The following ZMAT4 variants were observed in gnomAD, a reference collection of about 807,000 sequenced individuals.
The protein encoded by ZMAT4 is zinc finger matrin-type 4.
In ZMAT4, 17 loss-of-function variants were observed where a neutral mutation model predicts 28.7. That is an observed-to-expected ratio of 0.59 (90% CI 0.41 to 0.89). ZMAT4 has a LOEUF of 0.89. ZMAT4 is among the 40% of genes least tolerant of loss of function. The probability of loss-of-function intolerance (pLI) is 0.00; values close to 1 mark genes in which losing one functional copy is unlikely to be tolerated. For synonymous variants in ZMAT4, 117 were observed against 109.2 expected, an observed-to-expected ratio of 1.07 and a Z score of -0.44; for missense variants, 240 against 283.8, an observed-to-expected ratio of 0.85 and a Z score of 1.11.
chr8:40,791,360 C>T (rs970534960), intron 2 of ZMAT4, among the ~76,000 whole-genome samples: 3 of 152,250 alleles, frequency 2.0e-5, no homozygotes, highest in Non-Finnish European at 2.9e-5. Flanking sequence ...TGGGAAATCC[C>T]GCTTCCAAAG....
At chr8:40,748,462 A>ACCAG (rs2150544069) in intron 3 of ZMAT4, among the ~76,000 whole-genome samples, 2 of 152,280 alleles carry the variant, frequency 1.3e-5, no homozygotes, top group African/African-American at 4.8e-5. Flanking sequence ...GGGGAATACA[A>ACCAG]CCAGCTGCTC....
At chr8:40,609,490 G>A (rs541386001) in intron 5 of ZMAT4, among the ~76,000 whole-genome samples, 1 of 152,142 alleles carries the variant, frequency 6.6e-6, no homozygotes, top group African/African-American at 2.4e-5. Context: ...ATGTTTTTCT[G>A]GATAGCAACA....
chr8:40,819,284 C>T (rs1815657321), intron 2 of ZMAT4, among the ~76,000 whole-genome samples: 1 of 152,142 alleles, frequency 6.6e-6, no homozygotes, highest in South Asian at 2.1e-4. Flanking sequence ...TGAAAACTTT[C>T]CCACTGGCTT....
chr8:40,744,239 T>C lies in ZMAT4; in HGVS notation c.192+23402A>G, dbSNP rs796180827. Among the ~76,000 whole-genome samples, 7 of 152,266 alleles carry C rather than the reference T, an allele frequency of 4.6e-5. 1 individual carries two copies. The highest frequency in any genetic ancestry group is 1.7e-4 in the African/African-American group (7 of 41,576). On this transcript the variant is annotated intron_variant, in intron 3 of 6. Coordinates refer to ENST00000297737, the MANE Select transcript of ZMAT4 (RefSeq NM_024645.3). Reference sequence around the variant, plus strand: ...GCTTCACAGATCATGACTACTGTCTTGGATTCTTAATCCAGATGAATCCAG... The same window carrying C: ...GCTTCACAGATCATGACTACTGTCTCGGATTCTTAATCCAGATGAATCCAG...
intron 3 of ZMAT4, among the ~76,000 whole-genome samples, chr8:40,697,626 G>A (rs1336113182): frequency 6.6e-6 from 1 of 151,814 alleles, no homozygotes; most frequent in Admixed American, 6.6e-5. Flanking sequence ...TTGTTACATA[G>A]GTATACATGT....
chr8:40,617,925 G>T (rs1436178566), intron 5 of ZMAT4, among the ~76,000 whole-genome samples: 1 of 152,154 alleles, frequency 6.6e-6, no homozygotes, highest in Non-Finnish European at 1.5e-5. Flanking sequence ...AGATAGTTTT[G>T]TTACAGACAA....
chr8:40,763,227 C>T lies in ZMAT4; in HGVS notation c.192+4414G>A, dbSNP rs140817350. ...GTGTTGGGGAAGGTGTCCATGTCCC[C>T]CAGCGCTTTGCAGATGCTCGTTATC... On this transcript the variant is annotated intron_variant, in intron 3 of 6. Coordinates refer to ENST00000297737, the MANE Select transcript of ZMAT4 (RefSeq NM_024645.3). Among the ~76,000 whole-genome samples the T allele has an allele frequency of 5.8e-3, 883 of 152,274 alleles. 2 individuals are homozygous for T. The highest frequency in any genetic ancestry group is 0.014 in the Middle Eastern group (4 of 294).
intron 1 of ZMAT4, among the ~76,000 whole-genome samples, chr8:40,835,395 C>T (rs1466101565): frequency 6.6e-6 from 1 of 152,170 alleles, no homozygotes; most frequent in Non-Finnish European, 1.5e-5. Flanking sequence ...TAGGCTCCTA[C>T]CCTCCCCTCA....
intron 3 of ZMAT4, among the ~76,000 whole-genome samples, chr8:40,713,921 CAAA>C (rs532317102): frequency 4.0e-5 from 2 of 50,028 alleles, no homozygotes; most frequent in Admixed American, 2.4e-4. Flanking sequence ...AAAACAAAAC[CAAA>C]AAAAAAAAAA....
intron 6 of ZMAT4, among the ~76,000 whole-genome samples, chr8:40,544,265 C>T (rs1803129050): frequency 6.6e-6 from 1 of 152,110 alleles, no homozygotes. Context: ...GGAACCAAGA[C>T]CTGATAATTT....
Position 40,696,043 on chromosome 8 carries a change from T to G in ZMAT4, c.349+1202A>C, listed in dbSNP as rs148287480. ...AGGTTACAAGGTGAATATGCAACAT[T>G]TAAGGGAGCAAGAATCAGGAGTTTC... On this transcript the variant is annotated intron_variant, in intron 4 of 6. Transcript: ENST00000297737. Among the ~76,000 whole-genome samples the G allele has an allele frequency of 6.6e-3, 1,010 of 152,126 alleles. 6 individuals carry two copies. Among genetic ancestry groups the G allele is most frequent in the African/African-American group, 0.022 (916 of 41,498 alleles).
chr8:40,727,956 T>TA (rs1382850799), intron 3 of ZMAT4, among the ~76,000 whole-genome samples: 1 of 152,134 alleles, frequency 6.6e-6, no homozygotes, highest in African/African-American at 2.4e-5. Flanking sequence ...AGCTAGCCTT[T>TA]AAAAAATAAT....
At chr8:40,673,501 T>G (rs1416156214) in intron 5 of ZMAT4, among the ~76,000 whole-genome samples, 1 of 152,154 alleles carries the variant, frequency 6.6e-6, no homozygotes, top group Non-Finnish European at 1.5e-5. Context: ...CTTGCAGCCA[T>G]TATGAATGAC....
intron 1 of ZMAT4, among the ~76,000 whole-genome samples, chr8:40,841,156 GAAACGTAGTAGAGTCT>G (rs1816688525): frequency 1.3e-5 from 2 of 152,224 alleles, no homozygotes; most frequent in Admixed American, 6.5e-5. Flanking sequence ...ACTCCAGGGT[GAAACGTAGTAGAGTCT>G]AAAGTGTTTT....
chr8:40,770,964 A>G (rs901707675), intron 2 of ZMAT4, among the ~76,000 whole-genome samples: 1 of 152,198 alleles, frequency 6.6e-6, no homozygotes, highest in Non-Finnish European at 1.5e-5. Flanking sequence ...ATTCTAAAAA[A>G]CAAACAAATG....
chr8:40,697,769 C>G (rs1199957335), intron 3 of ZMAT4, among the ~76,000 whole-genome samples: 2 of 142,612 alleles, frequency 1.4e-5, no homozygotes, highest in East Asian at 4.4e-4. Context: ...TAATCATCAT[C>G]AAAACTTACT....
At chr8:40,790,284 T>C (rs1293373206) in intron 2 of ZMAT4, among the ~76,000 whole-genome samples, 3 of 152,238 alleles carry the variant, frequency 2.0e-5, no homozygotes, top group African/African-American at 7.2e-5. Context: ...TAAAAGCTTC[T>C]AGATCTAATT....
At chr8:40,860,091 A>G (rs983845356) in intron 1 of ZMAT4, among the ~76,000 whole-genome samples, 1 of 152,262 alleles carries the variant, frequency 6.6e-6, no homozygotes, top group African/African-American at 2.4e-5. Flanking sequence ...AGATCTTTTC[A>G]GCCTCAGTTT....
intron 5 of ZMAT4, among the ~76,000 whole-genome samples, chr8:40,668,611 G>T (rs554541338): frequency 7.2e-5 from 11 of 152,148 alleles, no homozygotes; most frequent in Admixed American, 6.6e-4. Flanking sequence ...AGAGAGGCAA[G>T]CACCAGGGTT....
Sources: gnomAD v4.1 joint callset for allele counts (sites outside exome capture counted in the v4.1 genomes callset) on GRCh38, gnomAD v4.1.1 for gene constraint, MANE v1.5 for transcripts, NCBI Gene and HGNC (gene_info 2026-07-23, HGNC 2026-07-21) for gene names.